Variants in SLC16A10 observed in about 807,000 individuals in gnomAD.
SLC16A10 encodes solute carrier family 16 member 10.
In SLC16A10, 27 loss-of-function variants were observed where a neutral mutation model predicts 40.0. The observed-to-expected ratio is 0.67, with a 90% CI of 0.50 to 0.93. SLC16A10 has a LOEUF of 0.93. SLC16A10 is among the 40% of genes least tolerant of loss of function. SLC16A10 has a pLI of 0.00. For synonymous variants in SLC16A10, 213 were observed against 249.8 expected (o/e 0.85, Z 1.39); for missense variants, 529 against 658.2 (o/e 0.80, Z 2.15).
At chr6:111,096,450 A>C (rs1236059545) in intron 1 of SLC16A10, among the ~76,000 whole-genome samples, 2 of 152,186 alleles carry the variant, frequency 1.3e-5, no homozygotes, top group Non-Finnish European at 2.9e-5. Flanking sequence ...GCAGAGATTC[A>C]GAACAGGAAA....
chr6:111,195,536 A>G (rs1773065808), intron 3 of SLC16A10, among the ~76,000 whole-genome samples: 1 of 152,236 alleles, frequency 6.6e-6, no homozygotes, highest in African/African-American at 2.4e-5. Flanking sequence ...TTAAAAAGTA[A>G]GAAAAGTTAC....
intron 3 of SLC16A10, among the ~76,000 whole-genome samples, chr6:111,203,751 T>TAAATAGATAAATAAAA (rs1554261471): frequency 6.8e-6 from 1 of 147,678 alleles, no homozygotes; most frequent in Non-Finnish European, 1.5e-5. Context: ...AATAAATAAA[T>TAAATAGATAAATAAAA]AAAATAATGC....
rs541758500 is a variant in SLC16A10 at position 111,089,908 on chromosome 6, GTTTTTTTTTTTTTTTTTTT to G, written c.343+1833_343+1851del. ...TAGATCCTTTGGTGTCTGTGGGTGG[GTTTTTTTTTTTTTTTTTTT>G]TTTTTTTTTTTTTTTTTTTGAGAGA... On this transcript the variant is annotated intron_variant, in intron 1 of 5. Transcript: ENST00000368851. Among the ~76,000 whole-genome samples, 425 of 52,324 alleles carry G rather than the reference GTTTTTTTTTTTTTTTTTTT, an allele frequency of 8.1e-3. 2 individuals are homozygous for G. The highest frequency in any genetic ancestry group is 0.015 in the Middle Eastern group (1 of 66). The allele number at this position is 52,324 out of a possible 152,430, so 34.3% of individuals were successfully genotyped here.
chr6:111,229,259 A>G lies in SLC16A10; in HGVS notation c.*7024A>G, dbSNP rs1771064404. 6.6e-6 allele frequency: 1 copy of G among 152,202 alleles called. No individual in the cohort carries two copies. Among genetic ancestry groups the G allele is most frequent in the South Asian group, 2.1e-4 (1 of 4,832 alleles). 9.4% of individuals were successfully genotyped at this position (152,202 alleles called of 1,614,324 possible). On this transcript the variant is annotated 3_prime_UTR_variant, in exon 6 of 6. Transcript: ENST00000368851. ...TTGCATGTTATATACATGACTGAGG[A>G]AAAAAGCTCACCTATACAGTGATTA...
chr6:111,131,331 T>C (rs577209391), intron 1 of SLC16A10, among the ~76,000 whole-genome samples: 12 of 152,300 alleles, frequency 7.9e-5, no homozygotes, highest in African/African-American at 2.9e-4. Flanking sequence ...TGAATAGAGC[T>C]GTAACACTCA....
At chr6:111,141,894 G>A (rs992771703) in intron 1 of SLC16A10, among the ~76,000 whole-genome samples, 2 of 152,152 alleles carry the variant, frequency 1.3e-5, no homozygotes, top group African/African-American at 2.4e-5. Flanking sequence ...TATAGATTCA[G>A]TACACTTCCA....
chr6:111,213,964 CCTT>C (rs931521172), intron 4 of SLC16A10, among the ~76,000 whole-genome samples: 3 of 152,200 alleles, frequency 2.0e-5, no homozygotes, highest in Admixed American at 6.5e-5. Flanking sequence ...CTCCAAGATG[CCTT>C]CTTTTATTCA....
intron 1 of SLC16A10, among the ~76,000 whole-genome samples, chr6:111,159,163 A>C (rs1372525914): frequency 6.7e-6 from 1 of 150,112 alleles, no homozygotes; most frequent in East Asian, 2.0e-4. Context: ...CCCTTCATGC[A>C]CACTTTCCCA....
chr6:111,093,643 G>A (rs567925678), intron 1 of SLC16A10, among the ~76,000 whole-genome samples: 12 of 152,290 alleles, frequency 7.9e-5, no homozygotes, highest in African/African-American at 2.6e-4. Flanking sequence ...TAGGAAAAGC[G>A]GCCTGCATAA....
chr6:111,102,681 G>T (rs374895794), intron 1 of SLC16A10, among the ~76,000 whole-genome samples: 1 of 151,968 alleles, frequency 6.6e-6, no homozygotes, highest in Non-Finnish European at 1.5e-5. Context: ...TAGGGCGGGG[G>T]ATAGGAATGG....
At chr6:111,197,176 A>G (rs1773093192) in intron 3 of SLC16A10, among the ~76,000 whole-genome samples, 1 of 152,212 alleles carries the variant, frequency 6.6e-6, no homozygotes, top group African/African-American at 2.4e-5. Context: ...AAAAAGACTG[A>G]ACATCATGCC....
chr6:111,118,121 C>A (rs1771520900), intron 1 of SLC16A10, among the ~76,000 whole-genome samples: 1 of 152,158 alleles, frequency 6.6e-6, no homozygotes, highest in Non-Finnish European at 1.5e-5. Context: ...AAAGAATGCA[C>A]AACATAATTT....
chr6:111,121,126 C>T (rs991358760), intron 1 of SLC16A10, among the ~76,000 whole-genome samples: 3 of 152,138 alleles, frequency 2.0e-5, no homozygotes, highest in Non-Finnish European at 4.4e-5. Context: ...CTTATAACTC[C>T]ACTTTAAGTG....
intron 3 of SLC16A10, among the ~76,000 whole-genome samples, chr6:111,190,280 G>A (rs1772968381): frequency 6.6e-6 from 1 of 152,206 alleles, no homozygotes; most frequent in African/African-American, 2.4e-5. Flanking sequence ...GTTCTCCCAT[G>A]GCCTTGGGAA....
intron 1 of SLC16A10, among the ~76,000 whole-genome samples, chr6:111,158,261 A>G (rs1772307944): frequency 6.6e-6 from 1 of 152,160 alleles, no homozygotes; most frequent in Admixed American, 6.5e-5. Flanking sequence ...TTCTGCCATG[A>G]CAATTACAGT....
At chr6:111,124,044 G>T (rs919505103) in intron 1 of SLC16A10, among the ~76,000 whole-genome samples, 2 of 152,116 alleles carry the variant, frequency 1.3e-5, no homozygotes, top group African/African-American at 4.8e-5. Flanking sequence ...CTTGAGGGCC[G>T]CATTAGGAGC....
intron 1 of SLC16A10, among the ~76,000 whole-genome samples, chr6:111,164,547 G>C (rs569804653): frequency 2.2e-4 from 33 of 152,156 alleles, no homozygotes; most frequent in African/African-American, 7.2e-4. Context: ...ATCACCTGAG[G>C]TCAGGAGTTC....
intron 1 of SLC16A10, among the ~76,000 whole-genome samples, chr6:111,144,163 TAAAAAA>T (rs1217068080): frequency 6.6e-6 from 1 of 152,150 alleles, no homozygotes; most frequent in African/African-American, 2.4e-5. Context: ...AAAAAGGTCT[TAAAAAA>T]TAAAATTATA....
chr6:111,095,669 T>C (rs1165157737), intron 1 of SLC16A10, among the ~76,000 whole-genome samples: 2 of 152,130 alleles, frequency 1.3e-5, no homozygotes, highest in African/African-American at 4.8e-5. Context: ...AATTGAATCA[T>C]GGGGGCAGGT....
Sources: gnomAD v4.1 joint callset for allele counts (sites outside exome capture counted in the v4.1 genomes callset) on GRCh38, gnomAD v4.1.1 for gene constraint, MANE v1.5 for transcripts, NCBI Gene and HGNC (gene_info 2026-07-23, HGNC 2026-07-21) for gene names.